The following CNTN4 variants were observed in gnomAD, a reference collection of about 807,000 sequenced individuals.
CNTN4 encodes contactin 4.
Under a neutral mutation model 122.5 loss-of-function variants are expected in CNTN4, and 77 were observed. The observed-to-expected ratio is 0.63, with a 90% CI of 0.52 to 0.76. The LOEUF (loss-of-function observed/expected upper bound fraction) is 0.76. Ranked by LOEUF, CNTN4 falls within the 30% of genes least tolerant of loss-of-function variation. The pLI is 0.00. For synonymous variants in CNTN4, 512 were observed against 447.0 expected (o/e 1.15, Z -1.83); for missense variants, 1,256 against 1,259.1 (o/e 1.00, Z 0.04).
At chr3:2,646,474 G>C (rs11923069) in intron 4 of CNTN4, among the ~76,000 whole-genome samples, 1 of 152,174 alleles carries the variant, frequency 6.6e-6, no homozygotes, top group Non-Finnish European at 1.5e-5. Context: ...GGTCAGAATT[G>C]AAGGGGTTAA....
At chr3:2,447,546 G>A (rs1313233351) in intron 3 of CNTN4, among the ~76,000 whole-genome samples, 1 of 151,964 alleles carries the variant, frequency 6.6e-6, no homozygotes, top group Admixed American at 6.6e-5. Flanking sequence ...GTTCATAAGA[G>A]CAATTTCTTT....
intron 4 of CNTN4, among the ~76,000 whole-genome samples, chr3:2,571,963 A>G (rs1350921802): frequency 6.6e-6 from 1 of 152,194 alleles, no homozygotes; most frequent in Non-Finnish European, 1.5e-5. Flanking sequence ...GTCTTTGTTG[A>G]TACCACTCCA....
At chr3:2,761,564 G>C (rs1449528227) in intron 6 of CNTN4, among the ~76,000 whole-genome samples, 1 of 151,874 alleles carries the variant, frequency 6.6e-6, no homozygotes, top group Non-Finnish European at 1.5e-5. Context: ...GAGTATTCTA[G>C]TATTTATTAT....
intron 4 of CNTN4, among the ~76,000 whole-genome samples, chr3:2,655,150 G>A (rs2150230181): frequency 6.6e-6 from 1 of 152,220 alleles, no homozygotes; most frequent in Middle Eastern, 3.4e-3. Context: ...TAGAAAATAT[G>A]TTTGTTTTAT....
chr3:2,417,577 A>G lies in CNTN4; in HGVS notation c.-89+78344A>G, dbSNP rs73804531. On this transcript the variant is annotated intron_variant, in intron 3 of 24. Coordinates refer to ENST00000418658, the MANE Select transcript of CNTN4 (RefSeq NM_175607.3). ...AACTAGCTAATAAAATGAGATTAGA[A>G]CCTTCAAAACTAAACATCCTCTTAT... Among the ~76,000 whole-genome samples the G allele has an allele frequency of 3.5e-3, 533 of 152,276 alleles. 2 individuals carry two copies. The highest frequency in any genetic ancestry group is 0.012 in the African/African-American group (481 of 41,546).
intron 3 of CNTN4, among the ~76,000 whole-genome samples, chr3:2,351,346 C>G (rs1205716668): frequency 6.6e-6 from 1 of 152,166 alleles, no homozygotes; most frequent in African/African-American, 2.4e-5. Flanking sequence ...TTAAAAGTGG[C>G]ACAGATTCAC....
chr3:2,308,048 G>T (rs1269727599), intron 2 of CNTN4, among the ~76,000 whole-genome samples: 1 of 152,054 alleles, frequency 6.6e-6, no homozygotes, highest in South Asian at 2.1e-4. Flanking sequence ...TTTATGAGAA[G>T]TTTCTTGATT....
At chr3:2,795,282 C>A (rs1319537037) in intron 6 of CNTN4, among the ~76,000 whole-genome samples, 1 of 152,122 alleles carries the variant, frequency 6.6e-6, no homozygotes, top group East Asian at 1.9e-4. Context: ...GACCCTGATC[C>A]TGAAAGGCTC....
chr3:2,516,943 G>GA (rs370255362), intron 3 of CNTN4, among the ~76,000 whole-genome samples: 11 of 150,120 alleles, frequency 7.3e-5, no homozygotes, highest in African/African-American at 9.7e-5. Context: ...AAGAAAGAAA[G>GA]AAAAAAAAAT....
intron 2 of CNTN4, among the ~76,000 whole-genome samples, chr3:2,158,631 C>G (rs186857377): frequency 1.3e-5 from 2 of 152,310 alleles, no homozygotes; most frequent in Non-Finnish European, 2.9e-5. Context: ...CATTCATAAA[C>G]AGCAGCAGGT....
At chr3:2,857,161 A>AT (rs2093626480) in intron 7 of CNTN4, among the ~76,000 whole-genome samples, 1 of 152,226 alleles carries the variant, frequency 6.6e-6, no homozygotes, top group South Asian at 2.1e-4. Context: ...TGAAGCGGGC[A>AT]TAAGTGTGGA....
chr3:2,490,328 T>G (rs1204087200), intron 3 of CNTN4, among the ~76,000 whole-genome samples: 1 of 152,196 alleles, frequency 6.6e-6, no homozygotes, highest in African/African-American at 2.4e-5. Flanking sequence ...TACTTTGAAG[T>G]ACCACCTAGT....
At chr3:2,170,083 A>T (rs1448415664) in intron 2 of CNTN4, among the ~76,000 whole-genome samples, 2 of 151,984 alleles carry the variant, frequency 1.3e-5, no homozygotes, top group Non-Finnish European at 2.9e-5. Context: ...GCACTTTGGG[A>T]GGCCGAGGCG....
intron 2 of CNTN4, among the ~76,000 whole-genome samples, chr3:2,155,011 T>A (rs928526439): frequency 6.6e-5 from 10 of 152,240 alleles, no homozygotes; most frequent in African/African-American, 2.4e-4. Context: ...ATCCATCTCC[T>A]TCAGATACCT....
chr3:2,169,483 T>C (rs138763499), intron 2 of CNTN4, among the ~76,000 whole-genome samples: 8,497 of 152,048 alleles, frequency 0.056, 271 homozygotes, highest in Middle Eastern at 0.071. Flanking sequence ...CTCGGCTCAC[T>C]GCAAGCTCCG....
rs567856240 is a variant in CNTN4, at chr3:2,136,397, GA to G, written c.-145+35760del. Reference sequence around the variant, plus strand: ...TGAACAAATTACTAAAAGATACACTGAATTATTAGGAGAAACTGTCCAATTA... The same window carrying G: ...TGAACAAATTACTAAAAGATACACTGATTATTAGGAGAAACTGTCCAATTA... On this transcript the variant is annotated intron_variant, in intron 2 of 24. Transcript: ENST00000418658. Among the ~76,000 whole-genome samples the G allele has an allele frequency of 9.2e-5, 14 of 152,212 alleles. No homozygotes were observed. The South Asian group carries it at 2.3e-3, about 25-fold the overall frequency.
chr3:2,735,016 T>C (rs976588328), intron 4 of CNTN4, among the ~76,000 whole-genome samples: 1 of 152,230 alleles, frequency 6.6e-6, no homozygotes, highest in African/African-American at 2.4e-5. Context: ...CAGATTCTTA[T>C]TGATCACCGT....
intron 12 of CNTN4, among the ~76,000 whole-genome samples, chr3:2,925,305 C>T (rs1045278468): frequency 1.3e-5 from 2 of 152,138 alleles, no homozygotes; most frequent in Non-Finnish European, 2.9e-5. Flanking sequence ...CCTGTAATCC[C>T]CGCACTTTGG....
In CNTN4 at chr3:2,831,917, T is replaced by C. The variant is rs975100274; in HGVS notation, c.454+12336T>C. 2.6e-5 allele frequency among the ~76,000 whole-genome samples: 4 copies of C among 152,368 alleles called. No individual in the cohort carries two copies. The East Asian group carries it at 5.8e-4, about 22-fold the overall frequency. On this transcript the variant is annotated intron_variant, in intron 7 of 24. Coordinates refer to ENST00000418658, the MANE Select transcript of CNTN4 (RefSeq NM_175607.3). ...TTATCATTTCACGCAAACCAGAGTA[T>C]GCTTTTTGAAAAGATGAAAGGACTT...
Sources: allele counts gnomAD v4.1 joint callset (sites outside exome capture counted in the v4.1 genomes callset), GRCh38; gene constraint gnomAD v4.1.1; transcripts MANE v1.5; gene names NCBI Gene and HGNC (gene_info 2026-07-23, HGNC 2026-07-21).